The following DRP2 variants were observed in gnomAD, a reference collection of about 807,000 sequenced individuals.
DRP2 encodes the protein dystrophin related protein 2, also known as dystrophin-related protein 2.
Under a neutral mutation model 78.2 loss-of-function variants are expected in DRP2, and 29 were observed. The observed-to-expected ratio is 0.37, with a 90% CI of 0.28 to 0.51. The LOEUF (loss-of-function observed/expected upper bound fraction) is 0.51, where lower values mean the gene tolerates loss of function less well. Ranked by LOEUF, DRP2 falls within the 20% of genes least tolerant of loss-of-function variation. The pLI is 0.94. For synonymous variants in DRP2, 290 were observed against 281.9 expected (o/e 1.03, Z -0.29); for missense variants, 686 against 770.6 (o/e 0.89, Z 1.30).
intron 1 of DRP2, among the ~76,000 whole-genome samples, chrX:101,224,197 T>G (rs1295913018): frequency 7.7e-4 from 48 of 62,686 alleles, no homozygotes; most frequent in Non-Finnish European, 1.2e-3. Context: ...TTTTGTTTTT[T>G]TTTTTTTTTT....
At chrX:101,231,350 G>A (rs1254272123) in intron 2 of DRP2, among the ~76,000 whole-genome samples, 1 of 111,824 alleles carries the variant, frequency 8.9e-6, no homozygotes, top group Non-Finnish European at 1.9e-5. Flanking sequence ...CCACCCTTAG[G>A]CTTTGAGATC....
intron 2 of DRP2, among the ~76,000 whole-genome samples, chrX:101,227,733 G>A (rs184080737): frequency 9.7e-4 from 109 of 112,410 alleles, no homozygotes; most frequent in African/African-American, 3.3e-3. Context: ...AGTCTAAAAA[G>A]AGCAGAGGAT....
rs1256626069 is a variant in DRP2 at position 101,262,709 on chromosome X, G to A, written c.*2088G>A. 1 of 111,400 alleles carries A rather than the reference G, an allele frequency of 9.0e-6. No homozygotes were observed. Among genetic ancestry groups the A allele is most frequent in the Non-Finnish European group, 1.9e-5 (1 of 53,108 alleles). The allele number at this position is 111,400 out of a possible 1,213,427, so 9.2% of individuals were successfully genotyped here. A position where few individuals can be genotyped will look rare whatever the true frequency, so the allele number is the denominator to read the frequency against. On this transcript the variant is annotated 3_prime_UTR_variant, in exon 24 of 24. Transcript: ENST00000395209. ...TTAGTGTTCATGAGGTCTCTGGGCAGGAGAACTGGGTATCTGGATAGATGG... is the reference window on the plus strand; with the variant it reads ...TTAGTGTTCATGAGGTCTCTGGGCAAGAGAACTGGGTATCTGGATAGATGG...
At chrX:101,239,251 G>A in intron 6 of DRP2, 150 bp downstream of exon 6, 2 of 753,383 alleles carry the variant, frequency 2.7e-6, no homozygotes, top group Admixed American at 7.1e-5. Flanking sequence ...TTGGGGGGAA[G>A]CAAGATTCCT....
Position 101,254,567 on chromosome X carries a change from TACTG to T in DRP2, c.2114+7_2114+10del. ...GAGGCTGACTACAGTGAGACGTGAG[TACTG>T]GTGGCTGAGCAGGGGCTGTGGGCAG... On this transcript the variant is annotated splice_region_variant and intron_variant, in intron 18 of 23. Transcript: ENST00000395209. 8.3e-7 allele frequency: 1 copy of T among 1,211,409 alleles called. No homozygotes were observed. The highest frequency in any genetic ancestry group is 1.1e-6 in the Non-Finnish European group (1 of 895,330).
chrX:101,247,249 C>T, intron 12 of DRP2, 85 bp downstream of exon 12: 3 of 927,661 alleles, frequency 3.2e-6, no homozygotes, highest in Middle Eastern at 3.6e-4. Flanking sequence ...TTTCCTCCCA[C>T]CTTGGCAAAG....
At chrX:101,259,837 ATGT>A (rs1049465628) in intron 22 of DRP2, among the ~76,000 whole-genome samples, 2 of 112,326 alleles carry the variant, frequency 1.8e-5, no homozygotes, top group Admixed American at 1.9e-4. Context: ...CCTTTGACAC[ATGT>A]TGTTAAAGGA....
intron 2 of DRP2, among the ~76,000 whole-genome samples, chrX:101,228,001 A>C (rs1468311742): frequency 1.8e-5 from 2 of 112,637 alleles, no homozygotes; most frequent in Admixed American, 9.4e-5. Flanking sequence ...TATCTTTAGC[A>C]ATTAAGGAAA....
chrX:101,251,016 A>G lies in DRP2; in HGVS notation c.1798A>G (p.Ile600Val), dbSNP rs745986691. ...VWLAVLHRVT[I>V]AEQVKHQTKC... ...GCTGGCTGTTCTGCATCGGGTCACC[A>G]TTGCTGAGCAAGTGAAGCATCAGAC... The change falls in exon 16 of 24, where the codon ATT becomes GTT. Residue 600 changes from isoleucine (I) to valine (V), a missense_variant. By Grantham distance (29) the Ile-to-Val change is conservative (BLOSUM62 3). Transcript: ENST00000395209. 1.7e-5 allele frequency: 20 copies of G among 1,211,866 alleles called. No homozygotes were observed. In the South Asian group the frequency reaches 2.5e-4, roughly 15 times the overall value.
intron 4 of DRP2, among the ~76,000 whole-genome samples, chrX:101,237,312 A>G (rs1381610962): frequency 9.0e-6 from 1 of 111,619 alleles, no homozygotes; most frequent in African/African-American, 3.3e-5. Context: ...TCCCAGCCTG[A>G]TGTTTGGCAT....
chrX:101,228,699 A>C (rs149726808), intron 2 of DRP2, among the ~76,000 whole-genome samples: 12 of 111,618 alleles, frequency 1.1e-4, no homozygotes, highest in Middle Eastern at 4.6e-3. Context: ...ACTTGAGCTC[A>C]GGAGTTTGAG....
At chrX:101,260,267 T>C in intron 23 of DRP2, 98 bp downstream of exon 23, 3 of 1,112,920 alleles carry the variant, frequency 2.7e-6, no homozygotes, top group Non-Finnish European at 3.6e-6. Context: ...TGGTTTCTCC[T>C]CTTGGCTTTG....
At position 101,260,901 on chromosome X, in the gene DRP2, A is replaced by G. The variant is rs1923532155; in HGVS notation, c.*280A>G. The G allele has an allele frequency of 1.1e-5, 3 of 271,266 alleles. No homozygotes were observed. Among genetic ancestry groups the G allele is most frequent in the Non-Finnish European group, 1.9e-5 (3 of 155,075 alleles). The allele number at this position is 271,266 out of a possible 1,213,427, so 22.4% of individuals were successfully genotyped here. ...GTACCTTTCTGTTGCAGCCCAGGCAAATATCACTTGGCCATTCAGATGGGG... is the reference window on the plus strand; with the variant it reads ...GTACCTTTCTGTTGCAGCCCAGGCAGATATCACTTGGCCATTCAGATGGGG... On this transcript the variant is annotated 3_prime_UTR_variant, in exon 24 of 24. Coordinates refer to ENST00000395209, the MANE Select transcript of DRP2 (RefSeq NM_001939.3).
intron 6 of DRP2, among the ~76,000 whole-genome samples, chrX:101,241,168 A>G (rs928145413): frequency 1.8e-5 from 2 of 112,444 alleles, no homozygotes; most frequent in African/African-American, 3.2e-5. Context: ...TAGTAAGTGG[A>G]AAAACACAAT....
At chrX:101,254,985 T>A in intron 19 of DRP2, 61 bp downstream of exon 19, 1 of 1,188,560 alleles carries the variant, frequency 8.4e-7, no homozygotes, top group Non-Finnish European at 1.1e-6. Flanking sequence ...GGGGAAAGGA[T>A]CTTCAGTCGG....
At position 101,249,469 on chromosome X, in the gene DRP2, G is replaced by A. The variant is rs774277402; in HGVS notation, c.1540+870G>A. ...TATTTATCATCAATTTAAAAGTAAG[G>A]AAACTGGGCTGGGCATGGTGGCTCA... On this transcript the variant is annotated intron_variant, in intron 14 of 23. Transcript: ENST00000395209. Among the ~76,000 whole-genome samples, 6 of 111,719 alleles carry A rather than the reference G, an allele frequency of 5.4e-5. No individual in the cohort carries two copies. In the Admixed American group the frequency reaches 5.7e-4, roughly 11 times the overall value.
In DRP2 at chrX:101,234,051, C is replaced by T. The variant is rs143747589; in HGVS notation, c.118-1809C>T. 9.8e-3 allele frequency among the ~76,000 whole-genome samples: 1,099 copies of T among 111,847 alleles called. 7 individuals carry two copies. Among genetic ancestry groups the T allele is most frequent in the Non-Finnish European group, 0.017 (895 of 53,035 alleles). ...GAGGGATTCTGCTGCGCCTGCTTGC[C>T]GATGCTGCCATCCCATGGCTCTGTC... On this transcript the variant is annotated intron_variant, in intron 3 of 23. Coordinates refer to ENST00000395209, the MANE Select transcript of DRP2 (RefSeq NM_001939.3).
At chrX:101,234,373 G>C (rs1922410346) in intron 3 of DRP2, among the ~76,000 whole-genome samples, 1 of 113,372 alleles carries the variant, frequency 8.8e-6, no homozygotes, top group African/African-American at 3.2e-5. Context: ...GCCAGCCTGA[G>C]AGGGCCATCC....
rs943351363 is a variant in DRP2, at chrX:101,260,390, A to C, written c.2750-107A>C. 1.8e-5 allele frequency: 19 copies of C among 1,059,874 alleles called. No individual in the cohort carries two copies. In the African/African-American group the frequency reaches 3.0e-4, roughly 17 times the overall value. The allele number at this position is 1,059,874 out of a possible 1,213,427, so 87.3% of individuals were successfully genotyped here. On this transcript the variant is annotated intron_variant, in intron 23 of 23. Transcript: ENST00000395209. ...ATTAGGCATTGTGCTGGGAAGATGC[A>C]AATGCTGCGGGCAGGTCTGCCCTTC...
Sources: gnomAD v4.1 joint callset for allele counts (sites outside exome capture counted in the v4.1 genomes callset) on GRCh38, gnomAD v4.1.1 for gene constraint, MANE v1.5 for transcripts, NCBI Gene and HGNC (gene_info 2026-07-23, HGNC 2026-07-21) for gene names.